MYLK4: variants seen among roughly 807,000 people sequenced by gnomAD.
MYLK4 encodes the protein caMLCK like.
A neutral mutation model predicts 48.1 loss-of-function variants in MYLK4; 46 were observed. The ratio of observed to expected loss-of-function variants is 0.96; its 90% CI spans 0.75 to 1.22. MYLK4 has a LOEUF of 1.22. Among genes scored for constraint, MYLK4 ranks in the 50% most tolerant of loss-of-function variants. The probability of loss-of-function intolerance (pLI) is 0.00; values close to 1 mark genes in which losing one functional copy is unlikely to be tolerated. For missense variants in MYLK4, 451 were observed against 486.1 expected (o/e 0.93, Z 0.68); for synonymous variants, 170 against 180.8 (o/e 0.94, Z 0.48).
At chr6:2,696,411 C>T (rs1461189363) in intron 2 of MYLK4, among the ~76,000 whole-genome samples, 1 of 152,192 alleles carries the variant, frequency 6.6e-6, no homozygotes, top group African/African-American at 2.4e-5. Flanking sequence ...AAGGTAGGGC[C>T]TTCGAAGGTG....
intron 2 of MYLK4, among the ~76,000 whole-genome samples, chr6:2,743,455 T>C (rs764941783): frequency 4.6e-5 from 7 of 152,210 alleles, no homozygotes; most frequent in Non-Finnish European, 8.8e-5. Flanking sequence ...TTACATGAAA[T>C]GCATTATCAG....
chr6:2,669,588 G>A (rs1221503154), intron 12 of MYLK4, among the ~76,000 whole-genome samples: 2 of 152,148 alleles, frequency 1.3e-5, no homozygotes, highest in African/African-American at 4.8e-5. Context: ...GGACAAAACT[G>A]CTTCTGGGGG....
the MYLK4 span, among the ~76,000 whole-genome samples, chr6:2,756,308 CTCAAATTG>C: frequency 2.0e-5 from 3 of 152,202 alleles, no homozygotes; most frequent in Admixed American, 6.5e-5. Context: ...TATTTTGAAG[CTCAAATTG>C]TCCCATATTG....
At chr6:2,734,482 C>G (rs1763594689) in intron 2 of MYLK4, among the ~76,000 whole-genome samples, 1 of 152,012 alleles carries the variant, frequency 6.6e-6, no homozygotes, top group Non-Finnish European at 1.5e-5. Flanking sequence ...GTTTTGTCGG[C>G]CTGGGAAATC....
chr6:2,768,383 G>GTTCTTTACT, the MYLK4 span, among the ~76,000 whole-genome samples: 16 of 152,172 alleles, frequency 1.1e-4, no homozygotes, highest in Non-Finnish European at 2.2e-4. Flanking sequence ...CAAGACAGCC[G>GTTCTTTACT]TTCTTTACTG....
chr6:2,763,401 G>A, the MYLK4 span, among the ~76,000 whole-genome samples: 1 of 152,230 alleles, frequency 6.6e-6, no homozygotes, highest in Non-Finnish European at 1.5e-5. Context: ...GCGCTTCTCA[G>A]GGAGGCTTGG....
At chr6:2,764,303 G>C in the MYLK4 span, among the ~76,000 whole-genome samples, 1 of 152,232 alleles carries the variant, frequency 6.6e-6, no homozygotes, top group African/African-American at 2.4e-5. Context: ...TGTAACCCCA[G>C]GACGACTCCA....
At position 2,664,065 on chromosome 6, in the gene MYLK4, G is replaced by A. The variant is rs1285776961; in HGVS notation, c.*3860C>T. 6.6e-6 allele frequency: 1 copy of A among 152,210 alleles called. No homozygotes were observed. The highest frequency in any genetic ancestry group is 1.9e-4 in the East Asian group (1 of 5,210). The allele number at this position is 152,210 out of a possible 1,614,324, so 9.4% of individuals were successfully genotyped here. A position where few individuals can be genotyped will look rare whatever the true frequency, so the allele number is the denominator to read the frequency against. On this transcript the variant is annotated 3_prime_UTR_variant, in exon 13 of 13. Transcript: ENST00000274643. ...AAACTGCAGACTCCAAGCTATGTGA[G>A]GAAGTCATCTTAATCCAGGAACCCA... is the stretch of plus-strand genomic sequence containing the variant.
At chr6:2,769,728 T>C in the MYLK4 span, among the ~76,000 whole-genome samples, 6 of 152,210 alleles carry the variant, frequency 3.9e-5, no homozygotes, top group Non-Finnish European at 5.9e-5. Flanking sequence ...AAGAAGATTC[T>C]GGAAGTGTTA....
intron 8 of MYLK4, 49 bp from the exon 9 acceptor site, chr6:2,679,457 C>A: frequency 6.2e-7 from 1 of 1,609,474 alleles, no homozygotes; most frequent in Non-Finnish European, 8.5e-7. Context: ...GATCAAAAAT[C>A]GTGAACACTG....
At chr6:2,709,153 G>A (rs1400156095) in intron 2 of MYLK4, among the ~76,000 whole-genome samples, 1 of 151,908 alleles carries the variant, frequency 6.6e-6, no homozygotes, top group African/African-American at 2.4e-5. Context: ...TTTTCCTCTT[G>A]GAAAACTCAT....
At chr6:2,696,212 T>C (rs556794640) in intron 2 of MYLK4, among the ~76,000 whole-genome samples, 13 of 152,348 alleles carry the variant, frequency 8.5e-5, no homozygotes, top group African/African-American at 3.1e-4. Flanking sequence ...TCTGGCTTCC[T>C]AGACTGGTCT....
intron 10 of MYLK4, among the ~76,000 whole-genome samples, chr6:2,677,339 C>A (rs1445438875): frequency 6.6e-6 from 1 of 152,118 alleles, no homozygotes; most frequent in Non-Finnish European, 1.5e-5. Context: ...CACACTGTTT[C>A]CCCACTCCCT....
At chr6:2,687,490 C>A (rs1057292070) in intron 4 of MYLK4, among the ~76,000 whole-genome samples, 6 of 152,144 alleles carry the variant, frequency 3.9e-5, no homozygotes, top group Non-Finnish European at 7.4e-5. Context: ...ACAGCACAAA[C>A]CCTGGGAATT....
chr6:2,713,827 G>C (rs1466085538), intron 2 of MYLK4, among the ~76,000 whole-genome samples: 1 of 152,194 alleles, frequency 6.6e-6, no homozygotes, highest in Non-Finnish European at 1.5e-5. Context: ...CCATTCAGTA[G>C]AGAAACCGGC....
chr6:2,770,158 T>G, the MYLK4 span: 2 of 1,614,236 alleles, frequency 1.2e-6, no homozygotes, highest in Non-Finnish European at 1.7e-6. Flanking sequence ...GGACGATCAC[T>G]CTGATTGGGG....
intron 10 of MYLK4, among the ~76,000 whole-genome samples, chr6:2,677,831 T>A (rs548948997): frequency 2.0e-5 from 3 of 152,312 alleles, no homozygotes; most frequent in Admixed American, 2.0e-4. Context: ...CTTGGCATGA[T>A]CTGGCCCACA....
intron 2 of MYLK4, among the ~76,000 whole-genome samples, chr6:2,700,925 T>C (rs1000229383): frequency 3.9e-5 from 6 of 152,204 alleles, no homozygotes; most frequent in African/African-American, 1.4e-4. Context: ...CTAAAAACTA[T>C]ACATCAAGGG....
In MYLK4 at chr6:2,666,345, C is replaced by G. The variant is rs1313548701; in HGVS notation, c.*1580G>C. On this transcript the variant is annotated 3_prime_UTR_variant, in exon 13 of 13. Coordinates refer to ENST00000274643, the MANE Select transcript of MYLK4 (RefSeq NM_001012418.5). ...CAGTAATTGAGACCATTCTGGCCAA[C>G]ATGGAGAAACCCCATCTCTACTAAA... 6.6e-6 allele frequency: 1 copy of G among 152,170 alleles called. No individual in the cohort carries two copies. The highest frequency in any genetic ancestry group is 1.5e-5 in the Non-Finnish European group (1 of 68,040). 9.4% of individuals were successfully genotyped at this position (152,170 alleles called of 1,614,324 possible).
Sources: gnomAD v4.1 joint callset for allele counts (sites outside exome capture counted in the v4.1 genomes callset) on GRCh38, gnomAD v4.1.1 for gene constraint, MANE v1.5 for transcripts, NCBI Gene and HGNC (gene_info 2026-07-23, HGNC 2026-07-21) for gene names.